The following NAALADL2 variants were observed in gnomAD, a reference collection of about 807,000 sequenced individuals.
The protein encoded by NAALADL2 is N-acetylated alpha-linked acidic dipeptidase like 2.
In NAALADL2, 76 loss-of-function variants were observed where a neutral mutation model predicts 87.2. The observed-to-expected ratio is 0.87, with a 90% CI of 0.72 to 1.05. The LOEUF is 1.05. NAALADL2 is among the 50% of genes least tolerant of loss of function. The probability of loss-of-function intolerance (pLI) is 0.00; values close to 1 mark genes in which losing one functional copy is unlikely to be tolerated. For missense variants in NAALADL2, 1,089 were observed against 945.8 expected, an observed-to-expected ratio of 1.15 and a Z score of -1.99; for synonymous variants, 354 against 331.0, an observed-to-expected ratio of 1.07 and a Z score of -0.75.
rs1731773260 is a variant in NAALADL2 at position 174,897,948 on chromosome 3, C to A, written c.43+38498C>A. On this transcript the variant is annotated intron_variant, in intron 1 of 13. Transcript: ENST00000454872. ...CTAAAACGGTGAAACCCCGTCTCTA[C>A]TAAAAATACAAAAAATTAGCCGGGC... is the stretch of plus-strand genomic sequence containing the variant. Among the ~76,000 whole-genome samples, 5 of 143,242 alleles carry A rather than the reference C, an allele frequency of 3.5e-5. 1 individual carries two copies. In the South Asian group the frequency reaches 8.7e-4, roughly 25 times the overall value. The allele number at this position is 143,242 out of a possible 152,430, so 94.0% of individuals were successfully genotyped here.
intron 3 of NAALADL2, among the ~76,000 whole-genome samples, chr3:174,800,310 G>A (rs1718669477): frequency 6.6e-6 from 1 of 152,090 alleles, no homozygotes; most frequent in South Asian, 2.1e-4. Flanking sequence ...GCTGTATGCA[G>A]TCTAGGGACT....
intron 3 of NAALADL2, among the ~76,000 whole-genome samples, chr3:174,770,860 GA>G (rs935361244): frequency 4.1e-5 from 6 of 144,964 alleles, no homozygotes; most frequent in Non-Finnish European, 7.6e-5. Context: ...AAAAAAAAAA[GA>G]AAAAAAAAGA....
intron 2 of NAALADL2, among the ~76,000 whole-genome samples, chr3:175,171,759 C>A (rs1028240009): frequency 6.6e-6 from 1 of 152,154 alleles, no homozygotes; most frequent in African/African-American, 2.4e-5. Flanking sequence ...TCATTTACAG[C>A]AACATGGATG....
intron 2 of NAALADL2, among the ~76,000 whole-genome samples, chr3:175,123,559 A>G (rs1484217230): frequency 2.0e-5 from 3 of 151,772 alleles, no homozygotes; most frequent in African/African-American, 4.8e-5. Flanking sequence ...TCTATTTCGG[A>G]CTTTCTCTTT....
intron 9 of NAALADL2, among the ~76,000 whole-genome samples, chr3:175,522,094 A>G (rs1034354624): frequency 2.6e-5 from 4 of 152,226 alleles, no homozygotes; most frequent in South Asian, 2.1e-4. Flanking sequence ...TATTAGCTAT[A>G]AAAACAGTTG....
chr3:175,431,466 G>C (rs958408663), intron 5 of NAALADL2, among the ~76,000 whole-genome samples: 1 of 151,978 alleles, frequency 6.6e-6, no homozygotes, highest in Admixed American at 6.6e-5. Flanking sequence ...CTTCTGTGGA[G>C]CTAAAGGCAC....
chr3:175,667,770 G>T, intron 11 of NAALADL2, among the ~76,000 whole-genome samples: 1 of 144,334 alleles, frequency 6.9e-6, no homozygotes, highest in African/African-American at 2.6e-5. Flanking sequence ...TTCTGTAACA[G>T]GAAGATGAAG....
intron 2 of NAALADL2, among the ~76,000 whole-genome samples, chr3:174,650,604 A>C (rs1341934140): frequency 6.6e-6 from 1 of 152,144 alleles, no homozygotes; most frequent in Admixed American, 6.6e-5. Flanking sequence ...TGTTGCTGTA[A>C]CAGCAAATCA....
intron 5 of NAALADL2, among the ~76,000 whole-genome samples, chr3:175,431,728 G>A (rs1050470957): frequency 2.0e-5 from 3 of 152,010 alleles, no homozygotes; most frequent in African/African-American, 7.2e-5. Flanking sequence ...TTATTTATAG[G>A]CTTTATAGTA....
chr3:174,588,650 C>G (rs914973666), intron 2 of NAALADL2, among the ~76,000 whole-genome samples: 1 of 152,150 alleles, frequency 6.6e-6, no homozygotes, highest in Non-Finnish European at 1.5e-5. Flanking sequence ...CACTCCAGAC[C>G]CTGTTTGCCT....
intron 1 of NAALADL2, among the ~76,000 whole-genome samples, chr3:174,884,731 A>G (rs1320981403): frequency 6.6e-6 from 1 of 152,144 alleles, no homozygotes; most frequent in Admixed American, 6.5e-5. Flanking sequence ...CACACCCTTA[A>G]TATACACTCT....
At chr3:174,986,617 A>G (rs1229617272) in intron 1 of NAALADL2, among the ~76,000 whole-genome samples, 1 of 152,102 alleles carries the variant, frequency 6.6e-6, no homozygotes, top group African/African-American at 2.4e-5. Context: ...AATATGGACA[A>G]TCAAAGTTTG....
chr3:175,644,003 G>A (rs193220213), intron 11 of NAALADL2, among the ~76,000 whole-genome samples: 62 of 152,238 alleles, frequency 4.1e-4, no homozygotes, highest in African/African-American at 1.3e-3. Flanking sequence ...ATATGTGTAA[G>A]AGGTGCCTTG....
At chr3:175,330,616 T>G (rs184330703) in intron 5 of NAALADL2, among the ~76,000 whole-genome samples, 146 of 152,120 alleles carry the variant, frequency 9.6e-4, no homozygotes, top group Middle Eastern at 3.4e-3. Flanking sequence ...AAATGAAAAT[T>G]GAAACACAAC....
At chr3:175,480,035 T>A (rs988296080) in intron 9 of NAALADL2, among the ~76,000 whole-genome samples, 10 of 151,828 alleles carry the variant, frequency 6.6e-5, no homozygotes, top group Non-Finnish European at 1.0e-4. Context: ...TATGGATGAC[T>A]GCTTTAGTCA....
At chr3:174,675,362 G>T (rs1002425518) in intron 2 of NAALADL2, among the ~76,000 whole-genome samples, 2 of 151,920 alleles carry the variant, frequency 1.3e-5, no homozygotes, top group African/African-American at 2.4e-5. Flanking sequence ...TTTATCCTAT[G>T]AAACAACTGG....
intron 1 of NAALADL2, among the ~76,000 whole-genome samples, chr3:174,498,308 G>C (rs980230652): frequency 6.6e-6 from 1 of 151,520 alleles, no homozygotes; most frequent in Non-Finnish European, 1.5e-5. Flanking sequence ...GCTCTTTATG[G>C]CTTCTTTAAT....
At chr3:175,047,266 A>G (rs1346775964) in intron 1 of NAALADL2, among the ~76,000 whole-genome samples, 1 of 152,192 alleles carries the variant, frequency 6.6e-6, no homozygotes, top group Non-Finnish European at 1.5e-5. Context: ...CAAAGTTAAC[A>G]TTCACATTGT....
intron 5 of NAALADL2, among the ~76,000 whole-genome samples, chr3:175,352,047 C>G (rs989859721): frequency 6.6e-6 from 1 of 152,024 alleles, no homozygotes; most frequent in Non-Finnish European, 1.5e-5. Flanking sequence ...CAGTGACACG[C>G]ATGCATCGAG....
Sources: gnomAD v4.1 joint callset for allele counts (sites outside exome capture counted in the v4.1 genomes callset) on GRCh38, gnomAD v4.1.1 for gene constraint, MANE v1.5 for transcripts, NCBI Gene and HGNC (gene_info 2026-07-23, HGNC 2026-07-21) for gene names.